EIF3B: variants seen among roughly 807,000 people sequenced by gnomAD.
The protein encoded by EIF3B is eukaryotic translation initiation factor 3 subunit B, also known as eukaryotic translation initiation factor 3 subunit 9.
A neutral mutation model predicts 104.6 loss-of-function variants in EIF3B; 10 were observed. The ratio of observed to expected loss-of-function variants is 0.10; its 90% CI spans 0.06 to 0.16. The LOEUF (loss-of-function observed/expected upper bound fraction) is 0.16. Ranked by LOEUF, EIF3B falls within the 10% of genes least tolerant of loss-of-function variation. The probability of loss-of-function intolerance (pLI) is 1.00; values close to 1 mark genes in which losing one functional copy is unlikely to be tolerated. For missense variants in EIF3B, 1,014 were observed against 1,087.9 expected (o/e 0.93, Z 0.96); for synonymous variants, 542 against 417.2 (o/e 1.30, Z -3.65).
At chr7:2,372,634 A>G in intron 11 of EIF3B, 39 bp from the exon 12 acceptor site, 1 of 1,606,656 alleles carries the variant, frequency 6.2e-7, no homozygotes, top group Non-Finnish European at 8.5e-7. Context: ...TATGTTCTGA[A>G]TTGACCAAAA....
intron 12 of EIF3B, 87 bp downstream of exon 12, chr7:2,372,882 C>G (rs936754383): frequency 6.8e-7 from 1 of 1,466,596 alleles, no homozygotes; most frequent in Non-Finnish European, 9.2e-7. Context: ...TTTGACTGGC[C>G]TAGGACCACT....
chr7:2,380,557 C>T lies in EIF3B; in HGVS notation c.*368C>T, dbSNP rs573499908. ...CCTTCTCCTGCGCCCAGTGATGTTT[C>T]CACGGTGCCTGTACACAGCCGAGCA... On this transcript the variant is annotated 3_prime_UTR_variant, in exon 19 of 19. Transcript: ENST00000360876. 4.4e-5 allele frequency: 17 copies of T among 389,930 alleles called. No individual in the cohort carries two copies. In the East Asian group the frequency reaches 1.0e-3, roughly 24 times the overall value. The allele number at this position is 389,930 out of a possible 1,614,324, so 24.2% of individuals were successfully genotyped here. A position where few individuals can be genotyped will look rare whatever the true frequency, so the allele number is the denominator to read the frequency against.
At chr7:2,355,530 A>C in intron 1 of EIF3B, 110 bp downstream of exon 1, 1 of 1,363,588 alleles carries the variant, frequency 7.3e-7, no homozygotes, top group Non-Finnish European at 9.5e-7. Context: ...AGTTCCAGCG[A>C]GGGTGTCCGT....
chr7:2,366,636 T>G (rs1309282880), intron 8 of EIF3B, 45 bp downstream of exon 8: 9 of 1,603,708 alleles, frequency 5.6e-6, no homozygotes, highest in Non-Finnish European at 6.0e-6. Flanking sequence ...GGTCCTTGCT[T>G]GTAACCGGGG....
intron 1 of EIF3B, among the ~76,000 whole-genome samples, chr7:2,357,159 C>G (rs1051727353): frequency 6.6e-6 from 1 of 152,212 alleles, no homozygotes; most frequent in Non-Finnish European, 1.5e-5. Flanking sequence ...TTGAGCCCAT[C>G]GAATTCACAG....
At chr7:2,378,970 T>C in intron 16 of EIF3B, 164 bp from the exon 17 acceptor site, 1 of 747,366 alleles carries the variant, frequency 1.3e-6, no homozygotes, top group Non-Finnish European at 2.2e-6. Flanking sequence ...GCCTTGTGGG[T>C]GGGGGGCAGC....
intron 1 of EIF3B, among the ~76,000 whole-genome samples, chr7:2,357,898 A>G (rs926245332): frequency 1.3e-5 from 2 of 152,160 alleles, no homozygotes; most frequent in African/African-American, 4.8e-5. Flanking sequence ...ATAAATTCAG[A>G]TCAGGCTTGT....
rs765332786 is a variant in EIF3B, at chr7:2,366,355, A to G, written c.1196A>G (p.Asp399Gly). The change falls in exon 7 of 19, where the codon GAT (aspartate) becomes GGT (glycine). Residue 399 changes from aspartate to glycine, a missense_variant. Around this residue, in one of 4 missense-constraint regions of EIF3B, gnomAD observed 201 missense variants for 240.7 expected, o/e 0.83. Transcript: ENST00000360876. ...VTFSPLMDTQ[D>G]DPQAIIIWDI... ...TTTAGCCCCCTGATGGACACGCAGG[A>G]TGACCCTCAGGCCATAATCATCTGG... The G allele has an allele frequency of 2.5e-6, 4 of 1,613,568 alleles. No homozygotes were observed. Among genetic ancestry groups the G allele is most frequent in the Non-Finnish European group, 2.5e-6 (3 of 1,179,794 alleles).
chr7:2,379,183 G>A lies in EIF3B; in HGVS notation c.2282G>A (p.Arg761Gln), dbSNP rs768402273. The change falls in exon 17 of 19, where the codon CGG becomes CAG. Residue 761 changes from arginine to glutamine, a missense_variant. By Grantham distance (43) the Arg-to-Gln change is conservative. Coordinates refer to ENST00000360876, the MANE Select transcript of EIF3B (RefSeq NM_001037283.2). ...RTMMEDFRKY[R>Q]KMAQELYMEQ... ...ATGATGGAAGATTTCCGGAAGTACC[G>A]GAAAATGGCCCAGGAGCTCTATATG... 1.4e-5 allele frequency: 22 copies of A among 1,613,836 alleles called. No individual in the cohort carries two copies. Among genetic ancestry groups the A allele is most frequent in the Admixed American group, 5.0e-5 (3 of 59,968 alleles).
rs1174259233 is a variant in EIF3B at position 2,355,227 on chromosome 7, G to C, written c.306G>C (p.Pro102=). Reference sequence around the variant, plus strand: ...GGTCGCATGCTGAGCCCCCTGTCCCGGCACAGGGCGAGGCCCCAGGAGAGC... The same window carrying C: ...GGTCGCATGCTGAGCCCCCTGTCCCCGCACAGGGCGAGGCCCCAGGAGAGC... ...LPGSHAEPPV[P]AQGEAPGEQA... The change falls in exon 1 of 19, where the codon CCG becomes CCC. Residue 102 remains proline (P), a synonymous_variant. Transcript: ENST00000360876. The C allele has an allele frequency of 2.7e-6, 4 of 1,501,342 alleles. No homozygotes were observed. Among genetic ancestry groups the C allele is most frequent in the Non-Finnish European group, 3.5e-6 (4 of 1,133,536 alleles). The allele number at this position is 1,501,342 out of a possible 1,614,324, so 93.0% of individuals were successfully genotyped here.
chr7:2,357,252 C>G (rs148413758), intron 1 of EIF3B, among the ~76,000 whole-genome samples: 1 of 152,132 alleles, frequency 6.6e-6, no homozygotes, highest in African/African-American at 2.4e-5. Context: ...GGCTGGGTGA[C>G]GGCTGTGGGT....
At chr7:2,376,625 T>C (rs1780646422) in intron 14 of EIF3B, 1 of 284,338 alleles carries the variant, frequency 3.5e-6, no homozygotes, top group African/African-American at 2.2e-5. Context: ...CAGTCCAGTT[T>C]AAATCCAGCA....
At position 2,372,463 on chromosome 7, in the gene EIF3B, C is replaced by T. The variant is rs111856227; in HGVS notation, c.1688-210C>T. On this transcript the variant is annotated intron_variant, in intron 11 of 18. Transcript: ENST00000360876. The stretch of plus-strand genomic sequence containing the variant: ...TGCTCTCAGGAAGGGAGCAGTTTCA[C>T]GTAGGTCACTCCACACAAGTGGAAG... Among the ~76,000 whole-genome samples the T allele has an allele frequency of 1.4e-4, 22 of 152,266 alleles. No homozygotes were observed. The South Asian group carries it at 1.9e-3, about 13-fold the overall frequency.
intron 4 of EIF3B, 132 bp downstream of exon 4, chr7:2,363,259 C>T: frequency 1.1e-6 from 1 of 890,664 alleles, no homozygotes; most frequent in Non-Finnish European, 1.8e-6. Flanking sequence ...TCAAGACCAG[C>T]CTGGGCAACA....
At chr7:2,356,406 C>T (rs1229623889) in intron 1 of EIF3B, among the ~76,000 whole-genome samples, 1 of 151,946 alleles carries the variant, frequency 6.6e-6, no homozygotes, top group Non-Finnish European at 1.5e-5. Context: ...AGGTCACCAT[C>T]CTGGCTAACA....
chr7:2,378,006 G>C, intron 15 of EIF3B: 1 of 42,540 alleles, frequency 2.4e-5, no homozygotes, highest in South Asian at 5.2e-4. Flanking sequence ...AGCTCTCCTG[G>C]GATGCTGTGT....
rs1411187029 is a variant in EIF3B at position 2,362,845 on chromosome 7, G to C, written c.812+81G>C. On this transcript the variant is annotated intron_variant, in intron 3 of 18. Coordinates refer to ENST00000360876, the MANE Select transcript of EIF3B (RefSeq NM_001037283.2). ...TGTGCGGGTGGCTTGGTGCTTCTCG[G>C]TGCTGGTGTCTGTCAGATTGTTCAC... 2.5e-6 allele frequency: 4 copies of C among 1,585,068 alleles called. No homozygotes were observed. In the African/African-American group the frequency reaches 5.4e-5, roughly 21 times the overall value.
At chr7:2,374,407 G>A in intron 12 of EIF3B, 121 bp from the exon 13 acceptor site, 1 of 826,112 alleles carries the variant, frequency 1.2e-6, no homozygotes, top group Non-Finnish European at 1.9e-6. Context: ...TTCCGAGGTG[G>A]TCCAGCATTA....
rs528893660 is a variant in EIF3B at position 2,355,614 on chromosome 7, T to G, written c.499+194T>G. ...TGTTCTGAGAGCCCAGCGCCTCCCC[T>G]TTTCTTTCCTGAAAAAGGGGACAGG... On this transcript the variant is annotated intron_variant, in intron 1 of 18. Coordinates refer to ENST00000360876, the MANE Select transcript of EIF3B (RefSeq NM_001037283.2). 4.0e-5 allele frequency among the ~76,000 whole-genome samples: 6 copies of G among 151,872 alleles called. No homozygotes were observed. The East Asian group carries it at 1.2e-3, about 29-fold the overall frequency.
Sources: gnomAD v4.1 joint callset for allele counts (sites outside exome capture counted in the v4.1 genomes callset) on GRCh38, gnomAD v4.1.1 for gene constraint, gnomAD v4.1.1 regional missense constraint, MANE v1.5 for transcripts, NCBI Gene and HGNC (gene_info 2026-07-23, HGNC 2026-07-21) for gene names.